CHERP: variants seen among roughly 807,000 people sequenced by gnomAD.
CHERP encodes calcium homeostasis endoplasmic reticulum protein.
Under a neutral mutation model 113.8 loss-of-function variants are expected in CHERP, and 8 were observed. The ratio of observed to expected loss-of-function variants is 0.07; its 90% CI spans 0.04 to 0.13. The LOEUF is 0.13. Among genes scored for constraint, CHERP ranks in the 10% least tolerant of loss-of-function variants. CHERP has a pLI of 1.00. For synonymous variants in CHERP, 559 were observed against 524.5 expected (o/e 1.07, Z -0.90); for missense variants, 884 against 1,298.2 (o/e 0.68, Z 4.90).
Position 16,530,518 on chromosome 19 carries a change from C to G in CHERP, c.876+67G>C. The G allele has an allele frequency of 6.7e-7, 1 of 1,482,634 alleles. No individual in the cohort carries two copies. Among genetic ancestry groups the G allele is most frequent in the Non-Finnish European group, 9.4e-7 (1 of 1,062,632 alleles). 91.8% of individuals were successfully genotyped at this position (1,482,634 alleles called of 1,614,324 possible). A position where few individuals can be genotyped will look rare whatever the true frequency, so the allele number is the denominator to read the frequency against. ...TGGGGTGGCAGCTGCTGTCCCCACA[C>G]TCCCAAACCCTCCTGGGGAACCCGC... On this transcript the variant is annotated intron_variant, in intron 7 of 16. Coordinates refer to ENST00000546361, the MANE Select transcript of CHERP (RefSeq NM_006387.6). This position sits in a 1 kb window ranked among gnomAD's most constrained non-coding sequence, Gnocchi z 4.1.
intron 7 of CHERP, 91 bp from the exon 8 acceptor site, chr19:16,529,991 C>T: frequency 2.0e-6 from 3 of 1,469,744 alleles, no homozygotes; most frequent in Non-Finnish European, 2.7e-6. Flanking sequence ...AGCAGCAGAG[C>T]CTGGGGGACC....
rs141593063 is a variant in CHERP at position 16,540,524 on chromosome 19, C to T, written c.199+1346G>A. Among the ~76,000 whole-genome samples the T allele has an allele frequency of 1.5e-3, 227 of 151,902 alleles. 1 individual carries two copies. Among genetic ancestry groups the T allele is most frequent in the Middle Eastern group, 6.8e-3 (2 of 294 alleles). On this transcript the variant is annotated intron_variant, in intron 2 of 16. Coordinates refer to ENST00000546361, the MANE Select transcript of CHERP (RefSeq NM_006387.6). ...AGTAGCTGGGACTACAGGTGTGTGC[C>T]ACCACACCTGACTAAGTTTTGTAAT...
intron 11 of CHERP, 100 bp downstream of exon 11, chr19:16,522,952 C>A: frequency 7.3e-7 from 1 of 1,363,870 alleles, no homozygotes; most frequent in Non-Finnish European, 9.8e-7. Context: ...TGAAGGGGAG[C>A]CCCGGAAGGC....
Position 16,535,339 on chromosome 19 carries a change from G to A in CHERP, c.384+113C>T, listed in dbSNP as rs2085733801. ...GCTGACATGCACCGAGCCCTGGGTG[G>A]CAGGGGGGGCCCTGTCCTCACTGAC... On this transcript the variant is annotated intron_variant, in intron 3 of 16. Transcript: ENST00000546361. This position sits in a 1 kb window ranked among gnomAD's most constrained non-coding sequence, Gnocchi z 4.3. The A allele has an allele frequency of 6.1e-6, 7 of 1,145,700 alleles. No homozygotes were observed. The highest frequency in any genetic ancestry group is 8.7e-6 in the Non-Finnish European group (7 of 809,150). The allele number at this position is 1,145,700 out of a possible 1,614,324, so 71.0% of individuals were successfully genotyped here. A position where few individuals can be genotyped will look rare whatever the true frequency, so the allele number is the denominator to read the frequency against.
chr19:16,533,620 C>T (rs1422508013), intron 3 of CHERP, among the ~76,000 whole-genome samples: 1 of 152,020 alleles, frequency 6.6e-6, no homozygotes, highest in Non-Finnish European at 1.5e-5. Context: ...ATTAGTTGAG[C>T]ATGGTAGTGT....
chr19:16,519,925 A>C lies in CHERP; in HGVS notation c.2463-210T>G. On this transcript the variant is annotated intron_variant, in intron 15 of 16. Transcript: ENST00000546361. This position sits in a 1 kb window ranked among gnomAD's most constrained non-coding sequence, Gnocchi z 6.0. ...CCCCCACCCCACGCTCAGCATTGAG[A>C]GCAGGACACCTCCAACCCAGATGGT... 1.5e-6 allele frequency: 1 copy of C among 658,896 alleles called. No individual in the cohort carries two copies. The highest frequency in any genetic ancestry group is 2.7e-5 in the East Asian group (1 of 36,928). 40.8% of individuals were successfully genotyped at this position (658,896 alleles called of 1,614,324 possible).
chr19:16,539,390 G>T (rs1002359476), intron 2 of CHERP, among the ~76,000 whole-genome samples: 4 of 151,936 alleles, frequency 2.6e-5, no homozygotes, highest in Admixed American at 6.6e-5. Context: ...CTCGTGATCC[G>T]CCCGCCTCGG....
rs368290501 is a variant in CHERP, at chr19:16,520,250, C to T, written c.2361G>A (p.Ser787=). The change falls in exon 15 of 17, where the codon TCG becomes TCA. Residue 787 remains serine (S), a synonymous_variant. Coordinates refer to ENST00000546361, the MANE Select transcript of CHERP (RefSeq NM_006387.6). The surrounding 1 kb of genome is among the most constrained non-coding windows in gnomAD (Gnocchi z 4.0). ...SRSRSRSRSR[S]RSSRSRSRSQ... ...ACCGGGAGCGGCTTCTGGAGGAGCGCGACCTGCTCCGACTTCTGCAGGGAA... is the reference window on the plus strand; with the variant it reads ...ACCGGGAGCGGCTTCTGGAGGAGCGTGACCTGCTCCGACTTCTGCAGGGAA... 203 of 1,613,232 alleles carry T rather than the reference C, an allele frequency of 1.3e-4. No homozygotes were observed. The highest frequency in any genetic ancestry group is 1.5e-4 in the Non-Finnish European group (181 of 1,180,010).
Position 16,523,023 on chromosome 19 carries a change from T to A in CHERP, c.1980+29A>T. On this transcript the variant is annotated intron_variant, in intron 11 of 16. Coordinates refer to ENST00000546361, the MANE Select transcript of CHERP (RefSeq NM_006387.6). The surrounding 1 kb of genome is among the most constrained non-coding windows in gnomAD (Gnocchi z 4.0). ...ACGGGGACCAGTATGGTAAGCGTGC[T>A]CAGCTTGGAGCCCACTGTGGGGCAT... 1 of 1,493,476 alleles carries A rather than the reference T, an allele frequency of 6.7e-7. No homozygotes were observed. Among genetic ancestry groups the A allele is most frequent in the Non-Finnish European group, 8.9e-7 (1 of 1,124,932 alleles). 92.5% of individuals were successfully genotyped at this position (1,493,476 alleles called of 1,614,324 possible).
In CHERP at chr19:16,530,485, C is replaced by T. The variant is rs1000806460; in HGVS notation, c.876+100G>A. 1.8e-6 allele frequency: 2 copies of T among 1,096,580 alleles called. No homozygotes were observed. Among genetic ancestry groups the T allele is most frequent in the Non-Finnish European group, 1.4e-6 (1 of 720,884 alleles). The allele number at this position is 1,096,580 out of a possible 1,614,324, so 67.9% of individuals were successfully genotyped here. ...AGCACAGGCAGGGGACATGGGCTCT[C>T]TGGCTGCTGGGGTGGCAGCTGCTGT... On this transcript the variant is annotated intron_variant, in intron 7 of 16. Coordinates refer to ENST00000546361, the MANE Select transcript of CHERP (RefSeq NM_006387.6). This position sits in a 1 kb window ranked among gnomAD's most constrained non-coding sequence, Gnocchi z 4.1.
intron 11 of CHERP, 131 bp downstream of exon 11, chr19:16,522,921 G>C (rs1244196670): frequency 3.5e-5 from 37 of 1,071,232 alleles, no homozygotes; most frequent in Non-Finnish European, 4.7e-5. Context: ...TGACGGATCA[G>C]GGTCCCTAGG....
In CHERP at chr19:16,527,874, G is replaced by A. The variant is rs551398201; in HGVS notation, c.1305+206C>T. Among the ~76,000 whole-genome samples the A allele has an allele frequency of 8.0e-4, 122 of 152,296 alleles. 2 individuals carry two copies. The South Asian group carries it at 0.011, about 14-fold the overall frequency. ...AGAGAAGCCCAAACCATCAAAGCTCGGGGAAGGGACGTGAAGACCTGTCAC... is the reference window on the plus strand; with the variant it reads ...AGAGAAGCCCAAACCATCAAAGCTCAGGGAAGGGACGTGAAGACCTGTCAC... On this transcript the variant is annotated intron_variant, in intron 9 of 16. Transcript: ENST00000546361.
In CHERP at chr19:16,519,318, C is replaced by T. The variant is rs987709346; in HGVS notation, c.2592G>A (p.Glu864=). The change falls in exon 17 of 17, where the codon GAG becomes GAA. Residue 864 remains glutamate, a synonymous_variant. Transcript: ENST00000546361. The surrounding 1 kb of genome is among the most constrained non-coding windows in gnomAD (Gnocchi z 6.0). ...CCTTGATGGGGTCCTGGATCCCTTG[C>T]TCCTTCGCACCGAGGCCGCCTGAGC... is the stretch of plus-strand genomic sequence containing the variant. ...WSGSGGLGAK[E]QGIQDPIKGG... The T allele has an allele frequency of 7.4e-6, 12 of 1,613,336 alleles. No homozygotes were observed. The highest frequency in any genetic ancestry group is 4.0e-5 in the African/African-American group (3 of 74,914).
intron 7 of CHERP, 36 bp from the exon 8 acceptor site, chr19:16,529,936 G>A (rs751649770): frequency 2.2e-5 from 35 of 1,589,648 alleles, no homozygotes; most frequent in Non-Finnish European, 2.8e-5. Flanking sequence ...CTCAGTATGC[G>A]GCCTTGGGGC....
chr19:16,536,773 T>C (rs1357866722), intron 2 of CHERP, among the ~76,000 whole-genome samples: 1 of 152,228 alleles, frequency 6.6e-6, no homozygotes, highest in African/African-American at 2.4e-5. Flanking sequence ...TCCCAGCACT[T>C]TGGGAGGACA....
chr19:16,535,718 G>GGCCTCC lies in CHERP; in HGVS notation c.200-88_200-83dup, dbSNP rs1172144152. 7.6e-7 allele frequency: 1 copy of GGCCTCC among 1,319,610 alleles called. No homozygotes were observed. Among genetic ancestry groups the GGCCTCC allele is most frequent in the Non-Finnish European group, 1.0e-6 (1 of 992,518 alleles). 81.7% of individuals were successfully genotyped at this position (1,319,610 alleles called of 1,614,324 possible). Reference sequence around the variant, plus strand: ...CCCTTGGCCACCTCTCAGCCACAGGGGCCTCCCCCTCCCCAGGGACTCACC... The same window carrying GGCCTCC: ...CCCTTGGCCACCTCTCAGCCACAGGGGCCTCCGCCTCCCCCTCCCCAGGGACTCACC... On this transcript the variant is annotated intron_variant, in intron 2 of 16. Coordinates refer to ENST00000546361, the MANE Select transcript of CHERP (RefSeq NM_006387.6). This position sits in a 1 kb window ranked among gnomAD's most constrained non-coding sequence, Gnocchi z 4.3.
intron 3 of CHERP, among the ~76,000 whole-genome samples, chr19:16,534,054 TTTC>T (rs1225406594): frequency 1.5e-3 from 195 of 126,672 alleles, no homozygotes; most frequent in African/African-American, 7.0e-3. Context: ...TTTCTTTTCT[TTTC>T]TTTTTTTTTT....
At chr19:16,542,239 AAGCCGCGAGGCCG>A in intron 1 of CHERP, 102 bp downstream of exon 1, 1 of 1,133,546 alleles carries the variant, frequency 8.8e-7, no homozygotes, top group South Asian at 1.9e-5. Context: ...GCCGCAGGCG[AAGCCGCGAGGCCG>A]AGCCCCGCCC....
At position 16,525,743 on chromosome 19, in the gene CHERP, C is replaced by A. The variant is rs992515174; in HGVS notation, c.1306-66G>T. Reference sequence around the variant, plus strand: ...GCCCTAGTGCTCGGCAGCATCACAGCGCTCGGCAGCATCACAGCGCTGGCT... The same window carrying A: ...GCCCTAGTGCTCGGCAGCATCACAGAGCTCGGCAGCATCACAGCGCTGGCT... On this transcript the variant is annotated intron_variant, in intron 9 of 16. Coordinates refer to ENST00000546361, the MANE Select transcript of CHERP (RefSeq NM_006387.6). This position sits in a 1 kb window ranked among gnomAD's most constrained non-coding sequence, Gnocchi z 6.5. The A allele has an allele frequency of 1.5e-6, 2 of 1,359,988 alleles. No homozygotes were observed. Among genetic ancestry groups the A allele is most frequent in the Admixed American group, 2.8e-5 (1 of 35,496 alleles). The allele number at this position is 1,359,988 out of a possible 1,614,324, so 84.2% of individuals were successfully genotyped here.
Sources: allele counts gnomAD v4.1 joint callset (sites outside exome capture counted in the v4.1 genomes callset), GRCh38; gene constraint gnomAD v4.1.1; non-coding constraint Gnocchi (gnomAD v3.1); transcripts MANE v1.5; gene names NCBI Gene and HGNC (gene_info 2026-07-23, HGNC 2026-07-21).